Variants in SPOCK1 observed in about 807,000 individuals in gnomAD.
SPOCK1 encodes the protein SPARC (osteonectin), cwcv and kazal like domains proteoglycan 1.
Under a neutral mutation model 55.3 loss-of-function variants are expected in SPOCK1, and 23 were observed. That is an observed-to-expected ratio of 0.42 (90% CI 0.30 to 0.59). The LOEUF (loss-of-function observed/expected upper bound fraction) is 0.59, where lower values mean the gene tolerates loss of function less well. Among genes scored for constraint, SPOCK1 ranks in the 20% least tolerant of loss-of-function variants. The pLI, the probability that SPOCK1 is intolerant of heterozygous loss-of-function variation, is 0.22. For synonymous variants in SPOCK1, 226 were observed against 221.0 expected (o/e 1.02, Z -0.20); for missense variants, 499 against 552.5 (o/e 0.90, Z 0.97).
chr5:137,030,807 T>C (rs1238551446), intron 6 of SPOCK1, among the ~76,000 whole-genome samples: 18 of 152,186 alleles, frequency 1.2e-4, no homozygotes, highest in Non-Finnish European at 2.9e-5. Context: ...CAAAATATTT[T>C]GAATAGCAAA....
At chr5:137,152,213 T>C (rs1272731205) in intron 3 of SPOCK1, among the ~76,000 whole-genome samples, 1 of 152,242 alleles carries the variant, frequency 6.6e-6, no homozygotes, top group African/African-American at 2.4e-5. Context: ...TTACGTTTTG[T>C]GTGTGTGTTC....
intron 2 of SPOCK1, among the ~76,000 whole-genome samples, chr5:137,372,591 C>T (rs1751224944): frequency 6.6e-6 from 1 of 152,026 alleles, no homozygotes; most frequent in South Asian, 2.1e-4. Flanking sequence ...CTGTCACACA[C>T]AAAAAATGGT....
chr5:137,132,033 G>C (rs1753896019), intron 4 of SPOCK1, among the ~76,000 whole-genome samples: 1 of 116,410 alleles, frequency 8.6e-6, no homozygotes, highest in Non-Finnish European at 1.7e-5. Context: ...AAATTAGCTG[G>C]GCATGGTGGC....
chr5:137,288,369 T>C (rs2961638), intron 2 of SPOCK1, among the ~76,000 whole-genome samples: 127,485 of 152,178 alleles, frequency 0.84, 53,540 homozygotes, highest in African/African-American at 0.87. Flanking sequence ...GTCCCAGGTC[T>C]TGACAATAAG....
intron 4 of SPOCK1, among the ~76,000 whole-genome samples, chr5:137,131,207 C>A (rs1256392309): frequency 6.6e-6 from 1 of 152,026 alleles, no homozygotes; most frequent in Admixed American, 6.5e-5. Context: ...GGCAGAACAG[C>A]AAGTAAGTGA....
intron 2 of SPOCK1, among the ~76,000 whole-genome samples, chr5:137,483,017 A>G (rs1369962974): frequency 6.6e-6 from 1 of 152,214 alleles, no homozygotes; most frequent in Non-Finnish European, 1.5e-5. Flanking sequence ...ATAATCTGTC[A>G]AACTTCCTTG....
intron 6 of SPOCK1, among the ~76,000 whole-genome samples, chr5:137,061,031 T>C (rs1429885556): frequency 2.0e-5 from 3 of 152,246 alleles, no homozygotes; most frequent in Non-Finnish European, 4.4e-5. Flanking sequence ...TATTCCTTTA[T>C]GTGCTTAATT....
chr5:137,158,569 T>C (rs1219236394), intron 3 of SPOCK1, among the ~76,000 whole-genome samples: 6 of 152,230 alleles, frequency 3.9e-5, no homozygotes, highest in Middle Eastern at 3.4e-3. Context: ...CTCTGAGTGA[T>C]TGGGGTGAGC....
At chr5:137,034,088 T>A (rs1470475236) in intron 6 of SPOCK1, among the ~76,000 whole-genome samples, 3 of 152,178 alleles carry the variant, frequency 2.0e-5, no homozygotes, top group Admixed American at 6.5e-5. Context: ...GAAGTCCCTG[T>A]CAAATAACCA....
At chr5:137,389,149 C>T (rs1039019576) in intron 2 of SPOCK1, among the ~76,000 whole-genome samples, 1 of 152,194 alleles carries the variant, frequency 6.6e-6, no homozygotes, top group Non-Finnish European at 1.5e-5. Flanking sequence ...CCAAGTATAA[C>T]AACCCTCTTT....
At chr5:137,490,319 G>A (rs1369292024) in intron 2 of SPOCK1, among the ~76,000 whole-genome samples, 3 of 152,164 alleles carry the variant, frequency 2.0e-5, no homozygotes, top group Non-Finnish European at 2.9e-5. Flanking sequence ...ATTCTCCTTT[G>A]GTTCTAAAGC....
chr5:137,381,954 G>A (rs1287966778), intron 2 of SPOCK1, among the ~76,000 whole-genome samples: 1 of 152,110 alleles, frequency 6.6e-6, no homozygotes. Flanking sequence ...AAACTTTTAT[G>A]TTCTGCTTCC....
intron 2 of SPOCK1, among the ~76,000 whole-genome samples, chr5:137,480,740 C>T (rs1260222032): frequency 1.3e-5 from 2 of 152,078 alleles, no homozygotes; most frequent in African/African-American, 4.8e-5. Flanking sequence ...GCCTGGAAGT[C>T]AGGAGGGTAG....
chr5:137,419,394 T>C (rs1752432138), intron 2 of SPOCK1, among the ~76,000 whole-genome samples: 1 of 152,210 alleles, frequency 6.6e-6, no homozygotes, highest in Admixed American at 6.5e-5. Flanking sequence ...CCTTGGGCAG[T>C]ATGGCCATTT....
intron 3 of SPOCK1, among the ~76,000 whole-genome samples, chr5:137,192,329 G>A (rs1755198871): frequency 6.6e-6 from 1 of 151,758 alleles, no homozygotes; most frequent in African/African-American, 2.4e-5. Context: ...GGAGGAATGA[G>A]TTGTGCAGGA....
chr5:137,489,097 C>A (rs1377830169), intron 2 of SPOCK1, among the ~76,000 whole-genome samples: 1 of 152,096 alleles, frequency 6.6e-6, no homozygotes, highest in Non-Finnish European at 1.5e-5. Flanking sequence ...TTCATCTTCC[C>A]CAAAAAGAAA....
chr5:137,151,730 T>C (rs1287145576), intron 3 of SPOCK1, among the ~76,000 whole-genome samples: 1 of 152,210 alleles, frequency 6.6e-6, no homozygotes, highest in Admixed American at 6.5e-5. Flanking sequence ...TGAAAGGTCC[T>C]AGAGTTTTTC....
chr5:137,067,949 G>C (rs995482992), intron 5 of SPOCK1, 120 bp from the exon 6 acceptor site: 1 of 735,742 alleles, frequency 1.4e-6, no homozygotes, highest in Non-Finnish European at 2.3e-6. Context: ...GGGAGAGGTC[G>C]ACCTCAGGTA....
intron 6 of SPOCK1, among the ~76,000 whole-genome samples, chr5:137,039,364 G>A (rs79602124): frequency 0.031 from 4,576 of 146,058 alleles, 199 homozygotes; most frequent in East Asian, 0.19. Context: ...AACTTGAGAC[G>A]TGTAGACAAA....
Sources: allele counts gnomAD v4.1 joint callset (sites outside exome capture counted in the v4.1 genomes callset), GRCh38; gene constraint gnomAD v4.1.1; transcripts MANE v1.5; gene names NCBI Gene and HGNC (gene_info 2026-07-23, HGNC 2026-07-21).